The following ALG5 variants were observed in gnomAD, a reference collection of about 807,000 sequenced individuals.
ALG5 encodes ALG5 dolichyl-phosphate beta-glucosyltransferase, also known as dolichyl-phosphate beta-glucosyltransferase.
ALG5 carries 26 observed loss-of-function variants against 51.8 expected under a neutral mutation model. The ratio of observed to expected loss-of-function variants is 0.50; its 90% CI spans 0.37 to 0.70. The LOEUF is 0.70. Among genes scored for constraint, ALG5 ranks in the 30% least tolerant of loss-of-function variants. The pLI, the probability that ALG5 is intolerant of heterozygous loss-of-function variation, is 0.00. For missense variants in ALG5, 311 were observed against 399.3 expected, an observed-to-expected ratio of 0.78 and a Z score of 1.88; for synonymous variants, 141 against 136.1, an observed-to-expected ratio of 1.04 and a Z score of -0.25.
In ALG5 at chr13:36,985,714, C is replaced by T. The variant is rs568291804; in HGVS notation, c.474G>A (p.Lys158=). The change falls in exon 6 of 10, where the codon AAG becomes AAA. Residue 158 remains lysine (K), a synonymous_variant. Coordinates refer to ENST00000239891, the MANE Select transcript of ALG5 (RefSeq NM_013338.5). ...RMGIFSSRGE[K]ILMADADGAT... The stretch of plus-strand genomic sequence containing the variant: ...CTCCATCAGCATCTGCCATAAGGAT[C>T]TTTTCTCCTCGAGAACTGAATATAC... The T allele has an allele frequency of 6.8e-6, 11 of 1,613,308 alleles. No individual in the cohort carries two copies. The Admixed American group carries it at 8.3e-5, about 12-fold the overall frequency.
intron 6 of ALG5, among the ~76,000 whole-genome samples, chr13:36,976,085 TAAAA>T (rs926145972): frequency 6.6e-6 from 1 of 152,008 alleles, no homozygotes; most frequent in Non-Finnish European, 1.5e-5. Flanking sequence ...TTATTATTAA[TAAAA>T]AAATAAAACG....
chr13:36,975,081 T>G (rs972014592), intron 6 of ALG5, among the ~76,000 whole-genome samples: 4 of 152,126 alleles, frequency 2.6e-5, no homozygotes, highest in Admixed American at 1.3e-4. Context: ...CGTGGTGGCA[T>G]GCGCCTGTAG....
chr13:36,984,222 C>T (rs1006291017), intron 6 of ALG5, among the ~76,000 whole-genome samples: 2 of 151,858 alleles, frequency 1.3e-5, no homozygotes, highest in Admixed American at 1.3e-4. Context: ...CCTCAGCCTC[C>T]TAAGTAGCTG....
intron 6 of ALG5, among the ~76,000 whole-genome samples, chr13:36,972,959 T>G (rs1022812179): frequency 1.2e-4 from 16 of 132,408 alleles, no homozygotes; most frequent in African/African-American, 4.6e-4. Context: ...ACCACTGTGC[T>G]CCAGCCTGGG....
chr13:36,989,680 C>T, intron 4 of ALG5, 104 bp from the exon 5 acceptor site: 1 of 848,680 alleles, frequency 1.2e-6, no homozygotes, highest in Non-Finnish European at 1.9e-6. Flanking sequence ...GCAGTTTATC[C>T]CTTCTTGTGA....
intron 6 of ALG5, among the ~76,000 whole-genome samples, chr13:36,972,939 C>T (rs1398588779): frequency 1.4e-5 from 2 of 147,498 alleles, no homozygotes; most frequent in South Asian, 2.1e-4. Context: ...TTGCAGTGAG[C>T]CGAGATCACA....
intron 5 of ALG5, among the ~76,000 whole-genome samples, chr13:36,987,139 T>G (rs2059005397): frequency 6.6e-6 from 1 of 152,198 alleles, no homozygotes; most frequent in African/African-American, 2.4e-5. Flanking sequence ...CTGACATATG[T>G]GGATGACTCA....
At chr13:36,991,275 C>A (rs1364734003) in intron 4 of ALG5, among the ~76,000 whole-genome samples, 2 of 152,038 alleles carry the variant, frequency 1.3e-5, no homozygotes, top group African/African-American at 2.4e-5. Flanking sequence ...AGCCTCCATG[C>A]CCATCCCCAC....
chr13:36,970,920 T>C (rs1369251874), intron 7 of ALG5, among the ~76,000 whole-genome samples: 3 of 152,082 alleles, frequency 2.0e-5, no homozygotes, highest in African/African-American at 7.2e-5. Flanking sequence ...CAAAAATAAA[T>C]AAACAAAAAA....
chr13:36,952,866 C>T, intron 8 of ALG5: 1 of 225,212 alleles, frequency 4.4e-6, no homozygotes, highest in Non-Finnish European at 8.5e-6. Flanking sequence ...TCATGGGTTC[C>T]AAGAAAAAAT....
At chr13:36,974,985 G>A (rs985459121) in intron 6 of ALG5, among the ~76,000 whole-genome samples, 2 of 152,284 alleles carry the variant, frequency 1.3e-5, no homozygotes, top group East Asian at 1.9e-4. Context: ...GGCCGAGGCA[G>A]GCACATCACA....
chr13:36,982,360 T>G lies in ALG5; in HGVS notation c.561+3267A>C, dbSNP rs141548073. ...ATCACTAGAGCTATGCAGTAGAGGC[T>G]GAAAGATCACTAGGTAGTTGTAAAA... On this transcript the variant is annotated intron_variant, in intron 6 of 9. Transcript: ENST00000239891. Among the ~76,000 whole-genome samples the G allele has an allele frequency of 1.5e-3, 234 of 152,338 alleles. 1 individual carries two copies. Among genetic ancestry groups the G allele is most frequent in the African/African-American group, 5.4e-3 (226 of 41,578 alleles).
chr13:36,970,635 G>A (rs1425741483), intron 7 of ALG5, among the ~76,000 whole-genome samples: 5 of 145,654 alleles, frequency 3.4e-5, no homozygotes, highest in Admixed American at 2.1e-4. Context: ...AAAGAAGGCC[G>A]GGCGTGGTGG....
chr13:36,992,479 T>C lies in ALG5; in HGVS notation c.354+1125A>G, dbSNP rs535693483. ...AGGATGAAAAGCTCCCTCTAGAGTA[T>C]GGTATCTAGCTTCAAGGAATATAAC... is the stretch of plus-strand genomic sequence containing the variant. On this transcript the variant is annotated intron_variant, in intron 4 of 9. Coordinates refer to ENST00000239891, the MANE Select transcript of ALG5 (RefSeq NM_013338.5). 6.6e-5 allele frequency among the ~76,000 whole-genome samples: 10 copies of C among 152,328 alleles called. No individual in the cohort carries two copies. In the Middle Eastern group the frequency reaches 0.01, roughly 155 times the overall value.
rs532787076 is a variant in ALG5, at chr13:36,960,802, C to T, written c.773+4773G>A. ...GATTACAGGTGCCCACCACCATGCC[C>T]AGTTAATTTTTGTATTTTTTTTTGT... On this transcript the variant is annotated intron_variant, in intron 8 of 9. Transcript: ENST00000239891. 6.6e-5 allele frequency among the ~76,000 whole-genome samples: 10 copies of T among 151,992 alleles called. 1 individual carries two copies. Among genetic ancestry groups the T allele is most frequent in the African/African-American group, 2.4e-4 (10 of 41,438 alleles).
At chr13:36,950,943 G>A (rs994438277) in intron 9 of ALG5, among the ~76,000 whole-genome samples, 4 of 152,048 alleles carry the variant, frequency 2.6e-5, no homozygotes, top group African/African-American at 9.7e-5. Flanking sequence ...AGTATCAGGA[G>A]GAAGGTTTAA....
At chr13:36,979,276 A>G (rs2058968107) in intron 6 of ALG5, among the ~76,000 whole-genome samples, 1 of 152,156 alleles carries the variant, frequency 6.6e-6, no homozygotes, top group Non-Finnish European at 1.5e-5. Flanking sequence ...CTGGTATTAC[A>G]GGGATGAGCC....
chr13:36,999,240 C>A lies in ALG5; in HGVS notation c.61G>T (p.Val21Leu). The A allele has an allele frequency of 6.3e-7, 1 of 1,577,998 alleles. No individual in the cohort carries two copies. ...GTTCCCATCCCTGTTCTCACCAGTA[C>A]GAGGGCTGCGGCCGCCAGCGCCGCG... is the stretch of plus-strand genomic sequence containing the variant. The part of the protein sequence containing the change: ...LGAALAAAAL[V>L]LISIVAFTTA... Residue 21 changes from valine (V) to leucine (L), a missense_variant, in exon 1 of 10, where the codon GTA (valine) becomes TTA (leucine). Val to Leu is a conservative substitution (Grantham distance 32, BLOSUM62 1). Coordinates refer to ENST00000239891, the MANE Select transcript of ALG5 (RefSeq NM_013338.5).
intron 1 of ALG5, 76 bp downstream of exon 1, chr13:36,999,159 G>A: frequency 4.5e-6 from 6 of 1,346,474 alleles, no homozygotes; most frequent in South Asian, 1.6e-5. Flanking sequence ...GCGCGGAGGA[G>A]GGGACGCCTG....
Sources: allele counts gnomAD v4.1 joint callset (sites outside exome capture counted in the v4.1 genomes callset), GRCh38; gene constraint gnomAD v4.1.1; transcripts MANE v1.5; gene names NCBI Gene and HGNC (gene_info 2026-07-23, HGNC 2026-07-21).